The following KIRREL1 variants were observed in gnomAD, a reference collection of about 807,000 sequenced individuals.
KIRREL1 encodes kirre like nephrin family adhesion molecule 1.
In KIRREL1, 25 loss-of-function variants were observed where a neutral mutation model predicts 83.3. That is an observed-to-expected ratio of 0.30 (90% CI 0.22 to 0.42). KIRREL1 has a LOEUF of 0.42. Among genes scored for constraint, KIRREL1 ranks in the 10% least tolerant of loss-of-function variants. KIRREL1 has a pLI of 1.00. For missense variants in KIRREL1, 812 were observed against 1,032.3 expected (o/e 0.79, Z 2.92); for synonymous variants, 388 against 410.4 (o/e 0.95, Z 0.66).
intron 3 of KIRREL1, among the ~76,000 whole-genome samples, chr1:158,078,361 T>A (rs1661747711): frequency 6.6e-6 from 1 of 152,148 alleles, no homozygotes; most frequent in Non-Finnish European, 1.5e-5. Context: ...CCCAGCATCC[T>A]CTCTGCCGCA....
At position 158,084,480 on chromosome 1, in the gene KIRREL1, C is replaced by G; in HGVS notation, c.411C>G (p.Thr137=). 2 of 1,551,788 alleles carry G rather than the reference C, an allele frequency of 1.3e-6. No individual in the cohort carries two copies. The highest frequency in any genetic ancestry group is 1.7e-6 in the Non-Finnish European group (2 of 1,147,012). Residue 137 remains threonine (T), a synonymous_variant, in exon 4 of 15, where the codon ACC becomes ACG. Coordinates refer to ENST00000359209, the MANE Select transcript of KIRREL1 (RefSeq NM_018240.7). ...GGPVILLQAG[T]PHNLTCRAFN... The stretch of plus-strand genomic sequence containing the variant: ...CTGTGATTCTACTGCAGGCAGGCAC[C>G]CCCCACAACCTCACATGCCGGGCCT...
chr1:158,075,188 G>C (rs1661642526), intron 1 of KIRREL1, among the ~76,000 whole-genome samples: 1 of 152,118 alleles, frequency 6.6e-6, no homozygotes, highest in South Asian at 2.1e-4. Flanking sequence ...GGAGTGGTGG[G>C]GGAGAAAAAA....
intron 1 of KIRREL1, among the ~76,000 whole-genome samples, chr1:158,029,366 T>TGTGTGTGTGTGTGTGTGCGCGCGCGCGC (rs1553238087): frequency 6.7e-6 from 1 of 148,930 alleles, no homozygotes; most frequent in African/African-American, 2.5e-5. Flanking sequence ...TGTGTGTGTG[T>TGTGTGTGTGTGTGTGTGCGCGCGCGCGC]GCACGTGCGC....
chr1:158,088,504 A>G (rs773348318), intron 8 of KIRREL1, 50 bp downstream of exon 8: 4 of 972,458 alleles, frequency 4.1e-6, no homozygotes, highest in Admixed American at 3.4e-5. Flanking sequence ...TTTTTTTTTG[A>G]GACGGAGTCT....
chr1:158,058,892 A>G (rs1661136998), intron 1 of KIRREL1, among the ~76,000 whole-genome samples: 1 of 152,128 alleles, frequency 6.6e-6, no homozygotes, highest in South Asian at 2.1e-4. Flanking sequence ...ACAGAACATA[A>G]TACTGAGCTC....
Position 158,087,869 on chromosome 1 carries a change from G to T in KIRREL1, c.767+9G>T. 2 of 1,612,596 alleles carry T rather than the reference G, an allele frequency of 1.2e-6. No individual in the cohort carries two copies. The highest frequency in any genetic ancestry group is 1.1e-5 in the South Asian group (1 of 91,032). On this transcript the variant is annotated intron_variant, in intron 6 of 14. Coordinates refer to ENST00000359209, the MANE Select transcript of KIRREL1 (RefSeq NM_018240.7). ...GAGATCTTGGGCTACAGGTGAGGGG[G>T]TCAGAGGCTGGGAGCGCTCTGGGGA...
intron 1 of KIRREL1, among the ~76,000 whole-genome samples, chr1:158,035,981 A>G (rs1222358729): frequency 6.6e-6 from 1 of 152,222 alleles, no homozygotes; most frequent in Non-Finnish European, 1.5e-5. Context: ...GGATTTATGC[A>G]TTGACAGAGT....
At position 158,096,548 on chromosome 1, in the gene KIRREL1, G is replaced by A. The variant is rs946703621; in HGVS notation, c.*1428G>A. On this transcript the variant is annotated 3_prime_UTR_variant, in exon 15 of 15. Coordinates refer to ENST00000359209, the MANE Select transcript of KIRREL1 (RefSeq NM_018240.7). ...GAGATGGGTGAGGGGACCTGGAGAGGTAAGGGGCCTGGAAATGGCCCTGAC... is the reference window on the plus strand; with the variant it reads ...GAGATGGGTGAGGGGACCTGGAGAGATAAGGGGCCTGGAAATGGCCCTGAC... 17 of 456,912 alleles carry A rather than the reference G, an allele frequency of 3.7e-5. No individual in the cohort carries two copies. Among genetic ancestry groups the A allele is most frequent in the Admixed American group, 3.5e-4 (15 of 42,558 alleles). 28.3% of individuals were successfully genotyped at this position (456,912 alleles called of 1,614,324 possible). A position where few individuals can be genotyped will look rare whatever the true frequency, so the allele number is the denominator to read the frequency against.
Position 158,087,792 on chromosome 1 carries a change from G to A in KIRREL1, c.699G>A (p.Thr233=), listed in dbSNP as rs375363592. ...TGACCCTGTCCATTGAGCCACAGAC[G>A]GTGCAGGAGGGTGAGCGTGTTGTCT... ...PTVTLSIEPQ[T]VQEGERVVFT... is the part of the protein sequence containing the mutation. The change falls in exon 6 of 15, where the codon ACG becomes ACA. Residue 233 remains threonine, a synonymous_variant. Coordinates refer to ENST00000359209, the MANE Select transcript of KIRREL1 (RefSeq NM_018240.7). 87 of 1,613,928 alleles carry A rather than the reference G, an allele frequency of 5.4e-5. No individual in the cohort carries two copies. The highest frequency in any genetic ancestry group is 2.9e-4 in the South Asian group (26 of 91,074).
chr1:158,086,722 A>T lies in KIRREL1; in HGVS notation c.637A>T (p.Thr213Ser). 6.4e-7 allele frequency: 1 copy of T among 1,550,900 alleles called. No homozygotes were observed. Among genetic ancestry groups the T allele is most frequent in the Non-Finnish European group, 8.7e-7 (1 of 1,146,800 alleles). ...MNEAIPSGKE[T>S]SIELDVHHPP... The stretch of plus-strand genomic sequence containing the variant: ...CGAAGCCATCCCTAGTGGCAAGGAG[A>T]CTTCCATCGAGCTGGATGTGCACCG... The change falls in exon 5 of 15, where the codon ACT becomes TCT. Residue 213 changes from threonine (T) to serine (S), a missense_variant. Physicochemically the swap from Thr to Ser is moderately conservative, Grantham distance 58 (BLOSUM62 1). Around this residue, in one of 3 missense-constraint regions of KIRREL1, gnomAD observed 472 missense variants for 626.8 expected, o/e 0.75. Coordinates refer to ENST00000359209, the MANE Select transcript of KIRREL1 (RefSeq NM_018240.7).
At chr1:158,080,846 A>G (rs556819598) in intron 3 of KIRREL1, among the ~76,000 whole-genome samples, 1 of 152,318 alleles carries the variant, frequency 6.6e-6, no homozygotes, top group East Asian at 1.9e-4. Flanking sequence ...AGAAGGCATG[A>G]CACTTCCTGC....
intron 4 of KIRREL1, among the ~76,000 whole-genome samples, chr1:158,086,317 A>G (rs1662011121): frequency 6.6e-6 from 1 of 152,152 alleles, no homozygotes; most frequent in South Asian, 2.1e-4. Flanking sequence ...AGGCTCAGGC[A>G]GGAGGATTGC....
At chr1:158,044,068 G>A (rs1660711093) in intron 1 of KIRREL1, among the ~76,000 whole-genome samples, 1 of 152,184 alleles carries the variant, frequency 6.6e-6, no homozygotes, top group Non-Finnish European at 1.5e-5. Flanking sequence ...TTTTAGATGT[G>A]AACTGGATGC....
intron 1 of KIRREL1, among the ~76,000 whole-genome samples, chr1:158,000,806 A>G (rs1659340412): frequency 6.6e-6 from 1 of 152,198 alleles, no homozygotes; most frequent in South Asian, 2.1e-4. Flanking sequence ...TCGTATTGAA[A>G]TAAATGAGCC....
chr1:158,005,028 A>T (rs1359324790), intron 1 of KIRREL1, among the ~76,000 whole-genome samples: 1 of 152,222 alleles, frequency 6.6e-6, no homozygotes, highest in Non-Finnish European at 1.5e-5. Context: ...AAACTTTAAC[A>T]TGCTTACAAA....
Position 158,092,568 on chromosome 1 carries a change from C to T in KIRREL1, c.1472-771C>T, listed in dbSNP as rs553413264. Among the ~76,000 whole-genome samples, 37 of 152,136 alleles carry T rather than the reference C, an allele frequency of 2.4e-4. No individual in the cohort carries two copies. In the South Asian group the frequency reaches 7.3e-3, roughly 30 times the overall value. On this transcript the variant is annotated intron_variant, in intron 11 of 14. Coordinates refer to ENST00000359209, the MANE Select transcript of KIRREL1 (RefSeq NM_018240.7). Reference sequence around the variant, plus strand: ...TTCACCGTGTTAGCCAAGATGGTCTCGATCTCCTGACCTCATGATTCACCC... The same window carrying T: ...TTCACCGTGTTAGCCAAGATGGTCTTGATCTCCTGACCTCATGATTCACCC...
intron 5 of KIRREL1, among the ~76,000 whole-genome samples, chr1:158,087,182 G>A (rs1020351882): frequency 3.3e-5 from 5 of 152,160 alleles, no homozygotes; most frequent in African/African-American, 7.2e-5. Context: ...ATGGGATGTG[G>A]CCCAGATGCT....
At chr1:158,034,635 G>GT (rs1660426285) in intron 1 of KIRREL1, among the ~76,000 whole-genome samples, 2 of 152,228 alleles carry the variant, frequency 1.3e-5, no homozygotes, top group Admixed American at 1.3e-4. Context: ...CTAGGGCTGA[G>GT]TTTTTTGTGG....
At chr1:158,092,345 CTT>C (rs11430850) in intron 11 of KIRREL1, among the ~76,000 whole-genome samples, 9 of 110,930 alleles carry the variant, frequency 8.1e-5, no homozygotes, top group African/African-American at 1.4e-4. Context: ...TCACTTCAGT[CTT>C]TTTTTTTTTT....
Sources: gnomAD v4.1 joint callset for allele counts (sites outside exome capture counted in the v4.1 genomes callset) on GRCh38, gnomAD v4.1.1 for gene constraint, gnomAD v4.1.1 regional missense constraint, MANE v1.5 for transcripts, NCBI Gene and HGNC (gene_info 2026-07-23, HGNC 2026-07-21) for gene names.